The following PTPRU variants were observed in gnomAD, a reference collection of about 807,000 sequenced individuals.
The protein encoded by PTPRU is receptor-type tyrosine-protein phosphatase U.
A neutral mutation model predicts 166.3 loss-of-function variants in PTPRU; 69 were observed. The ratio of observed to expected loss-of-function variants is 0.41; its 90% confidence interval spans 0.34 to 0.51. The LOEUF (loss-of-function observed/expected upper bound fraction) is 0.51. Among genes scored for constraint, PTPRU ranks in the 20% least tolerant of loss-of-function variants. PTPRU has a pLI of 0.09. For missense variants in PTPRU, 1,657 were observed against 2,013.7 expected (o/e 0.82, Z 3.39); for synonymous variants, 793 against 814.0 (o/e 0.97, Z 0.44).
chr1:29,313,193 G>A (rs555564813), intron 22 of PTPRU, among the ~76,000 whole-genome samples: 1 of 152,164 alleles, frequency 6.6e-6, no homozygotes, highest in South Asian at 2.1e-4. Context: ...TTTCTCCCTG[G>A]CTCCACATCT....
At chr1:29,270,800 C>G (rs1311362118) in intron 7 of PTPRU, among the ~76,000 whole-genome samples, 1 of 151,990 alleles carries the variant, frequency 6.6e-6, no homozygotes. Context: ...CCTGTCTCTA[C>G]AAAAAACACA....
chr1:29,323,785 G>A lies in PTPRU; in HGVS notation c.4109G>A (p.Cys1370Tyr), dbSNP rs1414122586. 6.2e-7 allele frequency: 1 copy of A among 1,613,938 alleles called. No individual in the cohort carries two copies. The highest frequency in any genetic ancestry group is 8.5e-7 in the Non-Finnish European group (1 of 1,179,952). ...GGGGATGGGCGCACCATCGTGCACT[G>A]CCTGTGAGTACCTGCCCTGTGGGAG... ...ESGDGRTIVHCLNGGGRSGTF... is the reference protein window; with the variant it reads ...ESGDGRTIVHYLNGGGRSGTF... Residue 1370 changes from cysteine to tyrosine, a missense_variant, in exon 28 of 30, where the codon TGC (cysteine) becomes TAC (tyrosine). Physicochemically the swap from Cys to Tyr is radical, Grantham distance 194. Coordinates refer to ENST00000373779, the MANE Select transcript of PTPRU (RefSeq NM_133178.4).
Position 29,307,376 on chromosome 1 carries a change from T to A in PTPRU, c.2820+1948T>A, listed in dbSNP as rs561910512. 1.8e-3 allele frequency among the ~76,000 whole-genome samples: 275 copies of A among 152,358 alleles called. 1 individual carries two copies. Among genetic ancestry groups the A allele is most frequent in the Non-Finnish European group, 3.1e-3 (213 of 68,028 alleles). On this transcript the variant is annotated intron_variant, in intron 18 of 29. Transcript: ENST00000373779. Reference sequence around the variant, plus strand: ...TAAGCAGTTCCCTCCCATCCTCCACTGCCTTGAGCAGGGGCAGCAGTGTTG... The same window carrying A: ...TAAGCAGTTCCCTCCCATCCTCCACAGCCTTGAGCAGGGGCAGCAGTGTTG...
Position 29,280,260 on chromosome 1 carries a change from G to A in PTPRU, c.1868+119G>A. On this transcript the variant is annotated intron_variant, in intron 11 of 29. Coordinates refer to ENST00000373779, the MANE Select transcript of PTPRU (RefSeq NM_133178.4). The surrounding 1 kb of genome is among the most constrained non-coding windows in gnomAD (Gnocchi z 4.2). ...TTTCCTCCCTCAGTCTCCCACGCAG[G>A]GCTTGGAGTGTCTGGAGGAGATTGT... 1 of 982,966 alleles carries A rather than the reference G, an allele frequency of 1.0e-6. No individual in the cohort carries two copies. The highest frequency in any genetic ancestry group is 1.5e-6 in the Non-Finnish European group (1 of 665,444). The allele number at this position is 982,966 out of a possible 1,614,324, so 60.9% of individuals were successfully genotyped here.
At position 29,279,653 on chromosome 1, in the gene PTPRU, C is replaced by A; in HGVS notation, c.1761C>A (p.Ile587=). ...CACTCACTGAGATAACCACTAACAT[C>A]TCTGGTGAGCCCCACCTGACCCGGC... is the stretch of plus-strand genomic sequence containing the variant. ...QAALTEITTN[I]SAPSFDYADM... is the part of the protein sequence containing the mutation. The change falls in exon 10 of 30, where the codon ATC becomes ATA. Residue 587 remains isoleucine (I), a synonymous_variant. Transcript: ENST00000373779. The surrounding 1 kb of genome is among the most constrained non-coding windows in gnomAD (Gnocchi z 5.2). 1 of 1,610,900 alleles carries A rather than the reference C, an allele frequency of 6.2e-7. No homozygotes were observed. Among genetic ancestry groups the A allele is most frequent in the Non-Finnish European group, 8.5e-7 (1 of 1,179,938 alleles).
intron 22 of PTPRU, among the ~76,000 whole-genome samples, chr1:29,313,145 C>T (rs1687745699): frequency 1.3e-5 from 2 of 152,218 alleles, no homozygotes; most frequent in African/African-American, 4.8e-5. Context: ...CAGACCCTGA[C>T]TGGCTCCCGT....
At chr1:29,301,249 A>C (rs549039891) in intron 15 of PTPRU, among the ~76,000 whole-genome samples, 40 of 152,344 alleles carry the variant, frequency 2.6e-4, no homozygotes, top group African/African-American at 7.9e-4. Flanking sequence ...ACAATGGACC[A>C]CGTATACCAT....
chr1:29,323,931 C>A, intron 28 of PTPRU, 143 bp downstream of exon 28: 1 of 1,106,164 alleles, frequency 9.0e-7, no homozygotes, highest in Non-Finnish European at 1.3e-6. Context: ...GGCCAGGATG[C>A]TGCCCAACCA....
At chr1:29,286,206 C>T (rs1479721225) in intron 14 of PTPRU, among the ~76,000 whole-genome samples, 2 of 152,180 alleles carry the variant, frequency 1.3e-5, no homozygotes, top group Non-Finnish European at 1.5e-5. Context: ...GGGCGATACA[C>T]TCTGATTTTT....
Position 29,279,692 on chromosome 1 carries a change from A to C in PTPRU, c.1765+35A>C. ...ACCTGACCCGGCCCAGCCTCTTCGGAGGTGGCCCAGAATCCCAGGGTTCCA... is the reference window on the plus strand; with the variant it reads ...ACCTGACCCGGCCCAGCCTCTTCGGCGGTGGCCCAGAATCCCAGGGTTCCA... On this transcript the variant is annotated intron_variant, in intron 10 of 29. Coordinates refer to ENST00000373779, the MANE Select transcript of PTPRU (RefSeq NM_133178.4). The surrounding 1 kb of genome is among the most constrained non-coding windows in gnomAD (Gnocchi z 5.2). The C allele has an allele frequency of 2.5e-6, 4 of 1,598,096 alleles. No homozygotes were observed. In the South Asian group the frequency reaches 3.3e-5, roughly 13 times the overall value.
intron 15 of PTPRU, among the ~76,000 whole-genome samples, chr1:29,300,843 G>A (rs558021125): frequency 6.6e-6 from 1 of 152,328 alleles, no homozygotes; most frequent in South Asian, 2.1e-4. Context: ...GTTTGAGGAA[G>A]TTGAGCTCAT....
intron 26 of PTPRU, among the ~76,000 whole-genome samples, chr1:29,322,636 C>T (rs1688209055): frequency 6.6e-6 from 1 of 152,064 alleles, no homozygotes; most frequent in South Asian, 2.1e-4. Context: ...GATTGATGAG[C>T]ACGGTGTCTT....
chr1:29,275,883 C>A, intron 8 of PTPRU, 127 bp downstream of exon 8: 1 of 1,024,312 alleles, frequency 9.8e-7, no homozygotes, highest in Non-Finnish European at 1.4e-6. Context: ...CTGTATAACA[C>A]CAAAGTAGTG....
In PTPRU at chr1:29,310,740, C is replaced by G. The variant is rs1157085355; in HGVS notation, c.2821-4C>G. The G allele has an allele frequency of 1.2e-6, 2 of 1,613,608 alleles. No homozygotes were observed. Among genetic ancestry groups the G allele is most frequent in the Non-Finnish European group, 1.7e-6 (2 of 1,179,598 alleles). On this transcript the variant is annotated splice_polypyrimidine_tract_variant and splice_region_variant and intron_variant, in intron 18 of 29. Coordinates refer to ENST00000373779, the MANE Select transcript of PTPRU (RefSeq NM_133178.4). ...TCTAACCGTGCCCTCTCCTCCTGTTCCAGGGTTACCACAGGTCAAACCACT... is the reference window on the plus strand; with the variant it reads ...TCTAACCGTGCCCTCTCCTCCTGTTGCAGGGTTACCACAGGTCAAACCACT...
In PTPRU at chr1:29,291,513, G is replaced by A. The variant is rs76454557; in HGVS notation, c.2319-356G>A. Among the ~76,000 whole-genome samples the A allele has an allele frequency of 0.045, 6,925 of 152,198 alleles. 243 individuals are homozygous for A. Among genetic ancestry groups the A allele is most frequent in the Middle Eastern group, 0.088 (26 of 294 alleles). On this transcript the variant is annotated intron_variant, in intron 14 of 29. Transcript: ENST00000373779. This position sits in a 1 kb window ranked among gnomAD's most constrained non-coding sequence, Gnocchi z 4.1. The stretch of plus-strand genomic sequence containing the variant: ...AGTTTGGGGTGCAGTGGGGGTGAGG[G>A]GGCTGTCTGCTGTGACACCAAATTA...
rs1236672341 is a variant in PTPRU, at chr1:29,310,841, CT to C, written c.2857+62del. 2.6e-6 allele frequency: 4 copies of C among 1,556,024 alleles called. No individual in the cohort carries two copies. In the African/African-American group the frequency reaches 5.4e-5, roughly 21 times the overall value. ...GTGCCTCCCAGCGTGCTGGAATGCC[CT>C]CAGCTTGCCTTTCTGCCTCCCCTGC... is the stretch of plus-strand genomic sequence containing the variant. On this transcript the variant is annotated intron_variant, in intron 19 of 29. Coordinates refer to ENST00000373779, the MANE Select transcript of PTPRU (RefSeq NM_133178.4).
At chr1:29,268,891 C>T (rs950897668) in intron 7 of PTPRU, among the ~76,000 whole-genome samples, 14 of 152,112 alleles carry the variant, frequency 9.2e-5, no homozygotes, top group East Asian at 1.9e-4. Flanking sequence ...TTCATGATGA[C>T]GGCTGTTGAT....
rs1685016122 is a variant in PTPRU, at chr1:29,260,677, C to G, written c.918C>G (p.Leu306=). The part of the protein sequence containing the change: ...RAGPTYLIIQ[L]NTNSIIGDGP... ...GCCCCACCTACCTCATCATCCAGCT[C>G]AACACCAACTCCATCATTGGCGACG... The change falls in exon 7 of 30, where the codon CTC becomes CTG. Residue 306 remains leucine, a synonymous_variant. Transcript: ENST00000373779. This position sits in a 1 kb window ranked among gnomAD's most constrained non-coding sequence, Gnocchi z 8.3. The G allele has an allele frequency of 6.4e-7, 1 of 1,568,622 alleles. No homozygotes were observed. Among genetic ancestry groups the G allele is most frequent in the African/African-American group, 1.4e-5 (1 of 73,406 alleles).
intron 17 of PTPRU, 53 bp from the exon 18 acceptor site, chr1:29,305,299 C>T (rs759944244): frequency 1.5e-4 from 231 of 1,560,098 alleles, no homozygotes; most frequent in Non-Finnish European, 2.0e-4. Context: ...TCCCTGACTG[C>T]CTAGCTCTGG....
Sources: gnomAD v4.1 joint callset for allele counts (sites outside exome capture counted in the v4.1 genomes callset) on GRCh38, gnomAD v4.1.1 for gene constraint, Gnocchi (gnomAD v3.1) non-coding constraint, MANE v1.5 for transcripts, NCBI Gene and HGNC (gene_info 2026-07-23, HGNC 2026-07-21) for gene names.